ABCB4: variants seen among roughly 807,000 people sequenced by gnomAD.
ABCB4 encodes phosphatidylcholine translocator ABCB4.
ABCB4 carries 76 observed loss-of-function variants against 145.7 expected under a neutral mutation model. The ratio of observed to expected loss-of-function variants is 0.52; its 90% CI spans 0.43 to 0.63. The LOEUF is 0.63. Among genes scored for constraint, ABCB4 ranks in the 30% least tolerant of loss-of-function variants. The pLI is 0.00. For missense variants in ABCB4, 1,234 were observed against 1,553.1 expected, an observed-to-expected ratio of 0.79 and a Z score of 3.45; for synonymous variants, 517 against 566.8, an observed-to-expected ratio of 0.91 and a Z score of 1.25.
At chr7:87,431,300 A>C in intron 15 of ABCB4, 104 bp downstream of exon 15, 1 of 1,436,368 alleles carries the variant, frequency 7.0e-7, no homozygotes, top group Non-Finnish European at 9.7e-7. Flanking sequence ...ATCTTGTTGA[A>C]GTTTCTTCTT....
chr7:87,399,073 T>A (rs58420072), downstream of ABCB4: 14 of 169,016 alleles, frequency 8.3e-5, no homozygotes, highest in African/African-American at 3.1e-4. Flanking sequence ...ATGAATTACA[T>A]TATTGTATGC....
At chr7:87,424,954 A>T (rs1310099453) in intron 16 of ABCB4, among the ~76,000 whole-genome samples, 2 of 152,132 alleles carry the variant, frequency 1.3e-5, no homozygotes, top group Non-Finnish European at 2.9e-5. Flanking sequence ...GAGAAAGGTT[A>T]TATTTATATC....
chr7:87,463,648 A>G (rs1425288318), intron 3 of ABCB4, among the ~76,000 whole-genome samples: 3 of 152,228 alleles, frequency 2.0e-5, no homozygotes, highest in African/African-American at 7.2e-5. Flanking sequence ...ATGCTTAAGT[A>G]ACCCCTGGCA....
At chr7:87,399,297 A>T (rs1807671104), downstream of ABCB4, 1 of 152,618 alleles carries the variant, frequency 6.6e-6, no homozygotes, top group African/African-American at 2.4e-5. Flanking sequence ...CAACAGGGTA[A>T]GGTCCTGTCT....
chr7:87,400,975 C>T (rs889232266), downstream of ABCB4, among the ~76,000 whole-genome samples: 4 of 152,146 alleles, frequency 2.6e-5, no homozygotes, highest in Admixed American at 6.5e-5. Context: ...GATTCCTGGG[C>T]CTCAACCCAG....
chr7:87,397,816 A>G (rs116279764), downstream of ABCB4, among the ~76,000 whole-genome samples: 1,879 of 152,276 alleles, frequency 0.012, 37 homozygotes, highest in African/African-American at 0.042. Context: ...TTTTTAAGTG[A>G]TGTGAAAATT....
At chr7:87,376,575 G>A in the ABCB4 span, among the ~76,000 whole-genome samples, 5 of 151,100 alleles carry the variant, frequency 3.3e-5, no homozygotes, top group Admixed American at 1.3e-4. Context: ...TGAATTAATC[G>A]GTATTAAATA....
intron 1 of ABCB4, 66 bp downstream of exon 1, chr7:87,475,568 A>G (rs1584808209): frequency 1.7e-6 from 2 of 1,208,726 alleles, no homozygotes; most frequent in East Asian, 2.5e-5. Context: ...AGGTCCGGCC[A>G]CTCCCGCCCC....
the ABCB4 span, among the ~76,000 whole-genome samples, chr7:87,384,297 C>T: frequency 3.3e-5 from 5 of 152,068 alleles, no homozygotes; most frequent in Non-Finnish European, 7.4e-5. Context: ...TTTGGGAGGC[C>T]GAGGTGGGCA....
At chr7:87,441,750 C>G (rs2116702139) in intron 12 of ABCB4, among the ~76,000 whole-genome samples, 1 of 152,242 alleles carries the variant, frequency 6.6e-6, no homozygotes, top group African/African-American at 2.4e-5. Context: ...GGGTGCACAC[C>G]ACCAGGCCTG....
the ABCB4 span, among the ~76,000 whole-genome samples, chr7:87,374,920 C>T: frequency 6.6e-6 from 1 of 151,702 alleles, no homozygotes; most frequent in South Asian, 2.1e-4. Flanking sequence ...TAACATGTGC[C>T]ATGAAATTGA....
At chr7:87,464,922 G>A (rs1434477971) in intron 3 of ABCB4, among the ~76,000 whole-genome samples, 2 of 152,184 alleles carry the variant, frequency 1.3e-5, no homozygotes, top group Admixed American at 1.3e-4. Flanking sequence ...ATTAGGAACA[G>A]CTCCAGTCAA....
chr7:87,425,115 G>A (rs1384839634), intron 16 of ABCB4, among the ~76,000 whole-genome samples: 1 of 149,044 alleles, frequency 6.7e-6, no homozygotes, highest in Non-Finnish European at 1.5e-5. Context: ...CTTTTTCTTT[G>A]GTTACTGCTC....
the ABCB4 span, chr7:87,393,049 A>C: frequency 6.2e-7 from 1 of 1,613,260 alleles, no homozygotes; most frequent in African/African-American, 1.3e-5. Context: ...GGATTTTTCT[A>C]CCATATCAGA....
At chr7:87,429,091 T>C (rs1396318445) in intron 15 of ABCB4, among the ~76,000 whole-genome samples, 1 of 152,190 alleles carries the variant, frequency 6.6e-6, no homozygotes, top group Non-Finnish European at 1.5e-5. Flanking sequence ...TCTTTGAAAC[T>C]TGAGAAAAGA....
At chr7:87,385,821 A>G in the ABCB4 span, among the ~76,000 whole-genome samples, 53 of 152,288 alleles carry the variant, frequency 3.5e-4, no homozygotes, top group South Asian at 2.1e-4. Flanking sequence ...GATTTGTCAT[A>G]TGTGGCTTTT....
Position 87,462,935 on chromosome 7 carries a change from T to A in ABCB4, c.136-27A>T. 4 of 1,600,108 alleles carry A rather than the reference T, an allele frequency of 2.5e-6. 1 individual carries two copies. The highest frequency in any genetic ancestry group is 4.5e-5 in the East Asian group (2 of 44,678). ...TAAAAAAAGGAAATAAAATAATACT[T>A]AGCTGTGGAATGGAATTTCTCCTCT... is the stretch of plus-strand genomic sequence containing the variant. On this transcript the variant is annotated intron_variant, in intron 3 of 27. Transcript: ENST00000649586.
In ABCB4 at chr7:87,440,202, T is replaced by G. The variant is rs769991775; in HGVS notation, c.1557A>C (p.Pro519=). ...ANAYEFIMKL[P]QKFDTLVGER... ...ACTACTTTATCAGAGGCTTTACCTGTGGTAATTTCATGATAAACTCATAGG... is the reference window on the plus strand; with the variant it reads ...ACTACTTTATCAGAGGCTTTACCTGGGGTAATTTCATGATAAACTCATAGG... Residue 519 remains proline (P), a synonymous_variant, in exon 13 of 28, where the codon CCA becomes CCC. Transcript: ENST00000649586. 1 of 1,613,614 alleles carries G rather than the reference T, an allele frequency of 6.2e-7. No individual in the cohort carries two copies. The highest frequency in any genetic ancestry group is 1.1e-5 in the South Asian group (1 of 91,080).
At chr7:87,379,868 C>T in the ABCB4 span, among the ~76,000 whole-genome samples, 1 of 152,172 alleles carries the variant, frequency 6.6e-6, no homozygotes, top group African/African-American at 2.4e-5. Context: ...AATCCCAGCA[C>T]TTTGGGAGAC....
Sources: gnomAD v4.1 joint callset for allele counts (sites outside exome capture counted in the v4.1 genomes callset) on GRCh38, gnomAD v4.1.1 for gene constraint, MANE v1.5 for transcripts, NCBI Gene and HGNC (gene_info 2026-07-23, HGNC 2026-07-21) for gene names.